REEP1: variants seen among roughly 807,000 people sequenced by gnomAD.
The protein encoded by REEP1 is receptor accessory protein 1, also known as receptor expression-enhancing protein 1.
REEP1 carries 22 observed loss-of-function variants against 40.3 expected under a neutral mutation model. That is an observed-to-expected ratio of 0.55 (90% CI 0.39 to 0.78). The LOEUF (loss-of-function observed/expected upper bound fraction) is 0.78. Ranked by LOEUF, REEP1 falls within the 30% of genes least tolerant of loss-of-function variation. The pLI is 0.00. For synonymous variants in REEP1, 116 were observed against 139.2 expected, an observed-to-expected ratio of 0.83 and a Z score of 1.17; for missense variants, 280 against 361.1, an observed-to-expected ratio of 0.78 and a Z score of 1.82.
intron 5 of REEP1, among the ~76,000 whole-genome samples, chr2:86,236,817 A>C (rs1034914726): frequency 1.3e-5 from 2 of 151,516 alleles, no homozygotes; most frequent in African/African-American, 4.9e-5. Context: ...GCTCACTGCA[A>C]CTCCGCCTCC....
chr2:86,218,313 A>T (rs1441078600), intron 8 of REEP1, among the ~76,000 whole-genome samples: 1 of 152,132 alleles, frequency 6.6e-6, no homozygotes, highest in Non-Finnish European at 1.5e-5. Flanking sequence ...CTCTCTCCCC[A>T]CCAGACTGGG....
chr2:86,315,905 G>A (rs992561974), intron 1 of REEP1, among the ~76,000 whole-genome samples: 1 of 152,212 alleles, frequency 6.6e-6, no homozygotes, highest in Non-Finnish European at 1.5e-5. Context: ...CTAAAGGCTT[G>A]CTAGGGACTT....
At chr2:86,268,664 C>G (rs1049704084) in intron 2 of REEP1, among the ~76,000 whole-genome samples, 1 of 151,966 alleles carries the variant, frequency 6.6e-6, no homozygotes, top group Non-Finnish European at 1.5e-5. Flanking sequence ...AAGACCAGAA[C>G]AATTAATATA....
chr2:86,245,656 G>C (rs1175362096), intron 5 of REEP1, among the ~76,000 whole-genome samples: 1 of 151,990 alleles, frequency 6.6e-6, no homozygotes, highest in African/African-American at 2.4e-5. Flanking sequence ...CTGGCCCCCT[G>C]GCTCCCACCT....
chr2:86,309,856 G>T (rs10166072), intron 1 of REEP1, among the ~76,000 whole-genome samples: 1 of 152,070 alleles, frequency 6.6e-6, no homozygotes, highest in African/African-American at 2.4e-5. Flanking sequence ...TACGAATTTG[G>T]GGGGGCAATT....
intron 6 of REEP1, among the ~76,000 whole-genome samples, chr2:86,230,348 G>A (rs1383961308): frequency 2.0e-5 from 3 of 152,242 alleles, no homozygotes; most frequent in African/African-American, 7.2e-5. Context: ...GTCTAGGCAG[G>A]AGGCCTGGAT....
chr2:86,235,021 T>G (rs1421753359), intron 5 of REEP1, among the ~76,000 whole-genome samples: 2 of 152,198 alleles, frequency 1.3e-5, no homozygotes, highest in Non-Finnish European at 2.9e-5. Context: ...CAATGTTAGG[T>G]TAGTGTTCAA....
intron 3 of REEP1, among the ~76,000 whole-genome samples, chr2:86,257,153 G>T (rs1052417998): frequency 2.6e-5 from 4 of 152,150 alleles, no homozygotes; most frequent in Non-Finnish European, 2.9e-5. Flanking sequence ...TGAATACTCT[G>T]GTGATTAATA....
intron 2 of REEP1, among the ~76,000 whole-genome samples, chr2:86,276,710 G>A (rs965547653): frequency 1.3e-5 from 2 of 152,136 alleles, no homozygotes; most frequent in African/African-American, 4.8e-5. Flanking sequence ...TAAAGGTGCA[G>A]GAACCAAGGA....
intron 1 of REEP1, among the ~76,000 whole-genome samples, chr2:86,332,436 AACAC>A (rs55793634): frequency 0.022 from 2,979 of 136,188 alleles, 75 homozygotes; most frequent in African/African-American, 0.06. Flanking sequence ...CTTTCCTGGA[AACAC>A]ACACACACAC....
In REEP1 at chr2:86,215,331, A is replaced by G. The variant is rs181674678; in HGVS notation, c.*1708T>C. The G allele has an allele frequency of 4.6e-5, 7 of 152,332 alleles. No individual in the cohort carries two copies. The East Asian group carries it at 1.2e-3, about 25-fold the overall frequency. The allele number at this position is 152,332 out of a possible 1,614,324, so 9.4% of individuals were successfully genotyped here. A position where few individuals can be genotyped will look rare whatever the true frequency, so the allele number is the denominator to read the frequency against. ...ATGGGTAGATGGGATTCCAATATGC[A>G]TATCTGGCAACAATCAGCTTCAAAT... On this transcript the variant is annotated 3_prime_UTR_variant, in exon 9 of 9. Transcript: ENST00000538924.
At chr2:86,226,120 T>TCACCAC (rs1440778889) in intron 7 of REEP1, among the ~76,000 whole-genome samples, 1 of 41,146 alleles carries the variant, frequency 2.4e-5, no homozygotes, top group African/African-American at 4.8e-5. Context: ...ACCACCATCA[T>TCACCAC]CACCACCACC....
At chr2:86,325,824 T>C (rs544581797) in intron 1 of REEP1, among the ~76,000 whole-genome samples, 1 of 152,172 alleles carries the variant, frequency 6.6e-6, no homozygotes, top group Non-Finnish European at 1.5e-5. Flanking sequence ...AACCACTAAA[T>C]TCATGGTTAC....
chr2:86,241,062 G>A (rs1303627967), intron 5 of REEP1, among the ~76,000 whole-genome samples: 4 of 152,208 alleles, frequency 2.6e-5, no homozygotes, highest in African/African-American at 9.6e-5. Flanking sequence ...GCCAGACCAA[G>A]CCCGGCCATC....
At chr2:86,331,966 C>T (rs781732314) in intron 1 of REEP1, among the ~76,000 whole-genome samples, 15 of 152,138 alleles carry the variant, frequency 9.9e-5, no homozygotes, top group Non-Finnish European at 1.9e-4. Context: ...CCCACGCATG[C>T]TTGAAGGCCT....
intron 7 of REEP1, among the ~76,000 whole-genome samples, chr2:86,221,803 G>C (rs2103972947): frequency 6.6e-6 from 1 of 152,262 alleles, no homozygotes; most frequent in South Asian, 2.1e-4. Flanking sequence ...TCCCAAGTCA[G>C]AGCTTGACAC....
At chr2:86,269,775 G>A (rs1677335975) in intron 2 of REEP1, among the ~76,000 whole-genome samples, 1 of 151,920 alleles carries the variant, frequency 6.6e-6, no homozygotes, top group South Asian at 2.1e-4. Flanking sequence ...AACATTTAGA[G>A]AACAAGGAGA....
rs926810961 is a variant in REEP1 at position 86,316,122 on chromosome 2, C to A, written c.32+21357G>T. Among the ~76,000 whole-genome samples the A allele has an allele frequency of 3.9e-5, 6 of 152,266 alleles. No individual in the cohort carries two copies. The East Asian group carries it at 9.7e-4, about 24-fold the overall frequency. On this transcript the variant is annotated intron_variant, in intron 1 of 8. Coordinates refer to ENST00000538924, the MANE Select transcript of REEP1 (RefSeq NM_001371279.1). Reference sequence around the variant, plus strand: ...TGCTCTGGTGACAATCTTGAGCTGCCAGATCAAGCCTCACTTGAAATCAGC... The same window carrying A: ...TGCTCTGGTGACAATCTTGAGCTGCAAGATCAAGCCTCACTTGAAATCAGC...
At chr2:86,270,839 A>G (rs1677403711) in intron 2 of REEP1, among the ~76,000 whole-genome samples, 1 of 152,136 alleles carries the variant, frequency 6.6e-6, no homozygotes, top group Non-Finnish European at 1.5e-5. Flanking sequence ...AAGGAAAGAA[A>G]CATGAGAATG....
Sources: gnomAD v4.1 joint callset for allele counts (sites outside exome capture counted in the v4.1 genomes callset) on GRCh38, gnomAD v4.1.1 for gene constraint, MANE v1.5 for transcripts, NCBI Gene and HGNC (gene_info 2026-07-23, HGNC 2026-07-21) for gene names.